SORCS1: variants seen among roughly 807,000 people sequenced by gnomAD.
SORCS1 encodes VPS10 domain-containing receptor SorCS1.
In SORCS1, 60 loss-of-function variants were observed where a neutral mutation model predicts 146.1. That is an observed-to-expected ratio of 0.41 (90% CI 0.33 to 0.51). The LOEUF (loss-of-function observed/expected upper bound fraction) is 0.51. SORCS1 is among the 20% of genes least tolerant of loss of function. SORCS1 has a pLI of 0.21. For synonymous variants in SORCS1, 637 were observed against 584.0 expected, an observed-to-expected ratio of 1.09 and a Z score of -1.31; for missense variants, 1,352 against 1,487.6, an observed-to-expected ratio of 0.91 and a Z score of 1.50.
intron 2 of SORCS1, among the ~76,000 whole-genome samples, chr10:106,940,845 T>C (rs1296367037): frequency 2.0e-5 from 3 of 152,068 alleles, no homozygotes; most frequent in Non-Finnish European, 2.9e-5. Flanking sequence ...AGTTGTGCCA[T>C]TGCACTCCAG....
chr10:107,130,711 C>T (rs145081228), intron 1 of SORCS1, among the ~76,000 whole-genome samples: 106 of 152,056 alleles, frequency 7.0e-4, no homozygotes, highest in African/African-American at 2.5e-3. Context: ...CTCTGGACCC[C>T]AGAGCTCCTT....
intron 18 of SORCS1, among the ~76,000 whole-genome samples, chr10:106,634,768 T>C (rs988935941): frequency 2.0e-5 from 3 of 152,206 alleles, no homozygotes; most frequent in African/African-American, 7.2e-5. Context: ...GTAAAGAAGA[T>C]AGAGAATATG....
rs149938629 is a variant in SORCS1, at chr10:106,825,955, C to A, written c.726+3619G>T. 7.2e-5 allele frequency among the ~76,000 whole-genome samples: 11 copies of A among 152,298 alleles called. No individual in the cohort carries two copies. In the East Asian group the frequency reaches 2.1e-3, roughly 29 times the overall value. ...CTTACACTGACATATGTTGAGATTA[C>A]AGTTTTTACTGTAACAGACCTAGCC... On this transcript the variant is annotated intron_variant, in intron 3 of 25. Coordinates refer to ENST00000263054, the MANE Select transcript of SORCS1 (RefSeq NM_052918.5).
intron 1 of SORCS1, among the ~76,000 whole-genome samples, chr10:107,147,288 C>T (rs1968411424): frequency 1.3e-5 from 2 of 152,166 alleles, no homozygotes; most frequent in South Asian, 4.1e-4. Flanking sequence ...AACATGGGCG[C>T]TGGTTCTCAG....
chr10:106,704,785 C>T (rs1854397897), intron 8 of SORCS1, among the ~76,000 whole-genome samples: 1 of 152,086 alleles, frequency 6.6e-6, no homozygotes. Context: ...TTTCCACATC[C>T]CCCTTGAACA....
chr10:106,772,223 C>G (rs188769033), intron 4 of SORCS1, among the ~76,000 whole-genome samples: 2 of 152,252 alleles, frequency 1.3e-5, no homozygotes, highest in Admixed American at 1.3e-4. Flanking sequence ...TCTTTTTGAG[C>G]TGGGATATCC....
chr10:107,005,078 T>C (rs1190768366), intron 1 of SORCS1, among the ~76,000 whole-genome samples: 23 of 152,132 alleles, frequency 1.5e-4, no homozygotes, highest in Admixed American at 1.5e-3. Context: ...AAATTCCAGC[T>C]ACAGCAATCA....
chr10:106,884,893 A>G (rs907626335), intron 2 of SORCS1, among the ~76,000 whole-genome samples: 7 of 152,342 alleles, frequency 4.6e-5, no homozygotes, highest in Non-Finnish European at 1.0e-4. Flanking sequence ...ATTCAATGGT[A>G]TAAGTATGTG....
chr10:106,957,851 C>T (rs537633948), intron 1 of SORCS1, among the ~76,000 whole-genome samples: 4 of 152,242 alleles, frequency 2.6e-5, no homozygotes, highest in African/African-American at 4.8e-5. Context: ...CAGAATTCAA[C>T]GAACATTTAT....
chr10:107,101,439 C>A (rs1964917923), intron 1 of SORCS1, among the ~76,000 whole-genome samples: 1 of 152,170 alleles, frequency 6.6e-6, no homozygotes, highest in Non-Finnish European at 1.5e-5. Flanking sequence ...TCACAGTTTA[C>A]ATTAAGGTTC....
Position 107,004,465 on chromosome 10 carries a change from A to G in SORCS1, c.559-47885T>C, listed in dbSNP as rs545460813. On this transcript the variant is annotated intron_variant, in intron 1 of 25. Coordinates refer to ENST00000263054, the MANE Select transcript of SORCS1 (RefSeq NM_052918.5). ...GCAAAAGGATGTCTTCCATGGGAGC[A>G]GGCAAGAGAGGTTGTGCAGGGGAAC... Among the ~76,000 whole-genome samples the G allele has an allele frequency of 2.0e-5, 3 of 152,320 alleles. No individual in the cohort carries two copies. In the East Asian group the frequency reaches 5.8e-4, roughly 29 times the overall value.
intron 23 of SORCS1, among the ~76,000 whole-genome samples, chr10:106,601,234 G>C (rs192680525): frequency 7.8e-4 from 119 of 152,332 alleles, no homozygotes; most frequent in African/African-American, 2.5e-3. Flanking sequence ...ACCTGCTAAA[G>C]CAAATTGAAT....
Position 107,163,949 on chromosome 10 carries a change from C to T in SORCS1, c.558+20G>A. On this transcript the variant is annotated intron_variant, in intron 1 of 25. Transcript: ENST00000263054. ...CTTTCCATCTTTCCACCCCTTTACC[C>T]TCAGTCCCATTCTACTCACGCTGCT... The T allele has an allele frequency of 6.2e-7, 1 of 1,603,290 alleles. No individual in the cohort carries two copies. The highest frequency in any genetic ancestry group is 2.2e-5 in the East Asian group (1 of 44,670).
intron 6 of SORCS1, among the ~76,000 whole-genome samples, chr10:106,723,874 T>A (rs973994417): frequency 6.6e-6 from 1 of 152,172 alleles, no homozygotes; most frequent in African/African-American, 2.4e-5. Context: ...AGAATGTTTT[T>A]AATGCATAAA....
At chr10:106,598,633 C>T (rs2133325367) in intron 23 of SORCS1, among the ~76,000 whole-genome samples, 1 of 152,226 alleles carries the variant, frequency 6.6e-6, no homozygotes, top group South Asian at 2.1e-4. Flanking sequence ...TTTTACTTAA[C>T]ATGTTATTTA....
intron 2 of SORCS1, among the ~76,000 whole-genome samples, chr10:106,909,516 C>G (rs1391446947): frequency 6.6e-6 from 1 of 152,200 alleles, no homozygotes; most frequent in Non-Finnish European, 1.5e-5. Context: ...CTCTGAAATT[C>G]ACATTCTCAT....
chr10:106,876,236 G>T (rs1402874252), intron 2 of SORCS1, among the ~76,000 whole-genome samples: 4 of 152,070 alleles, frequency 2.6e-5, no homozygotes, highest in Non-Finnish European at 5.9e-5. Flanking sequence ...TAATCAACAT[G>T]AATAATTCAG....
Position 106,579,465 on chromosome 10 carries a change from A to C in SORCS1, c.3275T>G (p.Val1092Gly). ...HAAHLTAAPLVDLTPTHSGSA... is the reference protein window; with the variant it reads ...HAAHLTAAPLGDLTPTHSGSA... Reference sequence around the variant, plus strand: ...TCCACTGTGGGTTGGAGTGAGGTCCACCAGGGGGGCTTGTGGGGGAAACAG... The same window carrying C: ...TCCACTGTGGGTTGGAGTGAGGTCCCCCAGGGGGGCTTGTGGGGGAAACAG... The change falls in exon 25 of 26, where the codon GTG becomes GGG. Residue 1092 changes from valine (V) to glycine (G), a missense_variant. Coordinates refer to ENST00000263054, the MANE Select transcript of SORCS1 (RefSeq NM_052918.5). 2 of 1,613,810 alleles carry C rather than the reference A, an allele frequency of 1.2e-6. No individual in the cohort carries two copies. Among genetic ancestry groups the C allele is most frequent in the Non-Finnish European group, 1.7e-6 (2 of 1,179,896 alleles).
chr10:106,870,932 GA>G (rs1257868112), intron 2 of SORCS1, among the ~76,000 whole-genome samples: 1 of 152,126 alleles, frequency 6.6e-6, no homozygotes, highest in Non-Finnish European at 1.5e-5. Context: ...CAGAATGGGA[GA>G]AAATATTTGC....
Sources: gnomAD v4.1 joint callset for allele counts (sites outside exome capture counted in the v4.1 genomes callset) on GRCh38, gnomAD v4.1.1 for gene constraint, MANE v1.5 for transcripts, NCBI Gene and HGNC (gene_info 2026-07-23, HGNC 2026-07-21) for gene names.